Variants in SPATA13 observed in about 807,000 individuals in gnomAD.
SPATA13 encodes spermatogenesis-associated protein 13.
Under a neutral mutation model 104.0 loss-of-function variants are expected in SPATA13, and 50 were observed. That is an observed-to-expected ratio of 0.48 (90% CI 0.38 to 0.61). The LOEUF is 0.61. SPATA13 is among the 20% of genes least tolerant of loss of function. The pLI is 0.00. For synonymous variants in SPATA13, 606 were observed against 667.5 expected, an observed-to-expected ratio of 0.91 and a Z score of 1.42; for missense variants, 1,524 against 1,690.6, an observed-to-expected ratio of 0.90 and a Z score of 1.73.
Position 24,251,777 on chromosome 13 carries a change from C to A in SPATA13, c.2079C>A (p.Ala693=), listed in dbSNP as rs760980337. Residue 693 remains alanine (A), a synonymous_variant, in exon 4 of 13, where the codon GCC becomes GCA. Coordinates refer to ENST00000382108, the MANE Select transcript of SPATA13 (RefSeq NM_001166271.3). The stretch of plus-strand genomic sequence containing the variant: ...TGCCACCCTACAAGGCTGTGTCGGC[C>A]CGGTTCCGGCCCTTCACATTCTCCC... ...HQVPPYKAVS[A]RFRPFTFSQS... 47 of 1,614,066 alleles carry A rather than the reference C, an allele frequency of 2.9e-5. No homozygotes were observed. Among genetic ancestry groups the A allele is most frequent in the Non-Finnish European group, 3.9e-5 (46 of 1,180,038 alleles).
chr13:24,270,632 G>T, intron 4 of SPATA13: 3 of 924,074 alleles, frequency 3.2e-6, no homozygotes, highest in South Asian at 1.8e-5. Flanking sequence ...GAAGTCCCCC[G>T]CAATGTCACT....
chr13:24,263,710 G>A (rs1874167843), intron 4 of SPATA13, among the ~76,000 whole-genome samples: 1 of 152,232 alleles, frequency 6.6e-6, no homozygotes, highest in African/African-American at 2.4e-5. Flanking sequence ...TACAGTCACA[G>A]TTTTTTAAAT....
Position 24,300,577 on chromosome 13 carries a change from GAGAACAGT to G in SPATA13, c.3658+107_3658+114del, listed in dbSNP as rs138687419. On this transcript the variant is annotated intron_variant, in intron 12 of 12. Coordinates refer to ENST00000382108, the MANE Select transcript of SPATA13 (RefSeq NM_001166271.3). ...CAGCCTGTGACCAGCTTGGAGCAAG[GAGAACAGT>G]AGAAGTTAGAACTCAAGGGCAGGTC... 1,376 of 1,043,922 alleles carry G rather than the reference GAGAACAGT, an allele frequency of 1.3e-3. 20 individuals carry two copies. In the East Asian group the frequency reaches 0.028, roughly 21 times the overall value. 64.7% of individuals were successfully genotyped at this position (1,043,922 alleles called of 1,614,324 possible).
chr13:24,006,918 T>C (rs772738680), intron 2 of SPATA13, among the ~76,000 whole-genome samples: 3 of 152,224 alleles, frequency 2.0e-5, no homozygotes, highest in Non-Finnish European at 2.9e-5. Context: ...GGAAGGAGGA[T>C]GCTGTGGCAT....
intron 7 of SPATA13, 116 bp from the exon 8 acceptor site, chr13:24,288,881 TAG>T: frequency 2.4e-6 from 2 of 843,372 alleles, no homozygotes; most frequent in South Asian, 2.1e-5. Flanking sequence ...CAGAGACTCA[TAG>T]AGTCTTTTTA....
At position 24,204,178 on chromosome 13, in the gene SPATA13, TA is replaced by T. The variant is rs202018886; in HGVS notation, c.-111-18640del. ...GCCAGAGGCTAACCCGAATGCCTGT[TA>T]TGTGTTAGATACAGTTACAGGAATA... On this transcript the variant is annotated intron_variant, in intron 1 of 12. Transcript: ENST00000382108. 8.3e-3 allele frequency among the ~76,000 whole-genome samples: 1,257 copies of T among 152,312 alleles called. 7 individuals carry two copies. Among genetic ancestry groups the T allele is most frequent in the Middle Eastern group, 0.014 (4 of 294 alleles).
chr13:24,029,660 G>A (rs1877387090), intron 3 of SPATA13, among the ~76,000 whole-genome samples: 2 of 152,112 alleles, frequency 1.3e-5, no homozygotes, highest in South Asian at 2.1e-4. Flanking sequence ...TACAAGTGCA[G>A]CTTTGTTAAA....
chr13:24,153,650 C>T lies in SPATA13; in HGVS notation c.-111-69169C>T, dbSNP rs1283709984. On this transcript the variant is annotated intron_variant, in intron 3 of 14. Transcript: ENST00000424834. ...GTAAAATAATCACAGATCCCCTACCCATGTCAATTGCAATTCCATTTATCT... is the reference window on the plus strand; with the variant it reads ...GTAAAATAATCACAGATCCCCTACCTATGTCAATTGCAATTCCATTTATCT... 3.3e-5 allele frequency among the ~76,000 whole-genome samples: 5 copies of T among 152,156 alleles called. No individual in the cohort carries two copies. The East Asian group carries it at 9.6e-4, about 29-fold the overall frequency.
chr13:24,056,453 G>A (rs1242684034), intron 3 of SPATA13, among the ~76,000 whole-genome samples: 2 of 152,148 alleles, frequency 1.3e-5, no homozygotes, highest in African/African-American at 4.8e-5. Context: ...GACATATGAT[G>A]GATTAGATGC....
chr13:24,108,441 G>A (rs1256837991), intron 3 of SPATA13, among the ~76,000 whole-genome samples: 1 of 152,154 alleles, frequency 6.6e-6, no homozygotes, highest in African/African-American at 2.4e-5. Context: ...GACTCACTGT[G>A]GGTGCGTGGG....
At chr13:24,059,153 A>T (rs11842218) in intron 3 of SPATA13, among the ~76,000 whole-genome samples, 23,339 of 151,236 alleles carry the variant, frequency 0.15, 2,186 homozygotes, top group African/African-American at 0.17. Flanking sequence ...TTGTATTTTT[A>T]GTAGAGACGG....
At chr13:24,023,876 C>T (rs981453610) in intron 3 of SPATA13, among the ~76,000 whole-genome samples, 3 of 152,170 alleles carry the variant, frequency 2.0e-5, no homozygotes, top group Admixed American at 6.5e-5. Flanking sequence ...CAGTGTGAGA[C>T]GGTGATCTGC....
chr13:23,982,860 C>T (rs1013682566), intron 1 of SPATA13, among the ~76,000 whole-genome samples: 23 of 152,274 alleles, frequency 1.5e-4, no homozygotes, highest in Non-Finnish European at 1.8e-4. Context: ...GTGTGAGCTT[C>T]GGGAGGCTGG....
At chr13:24,202,054 C>T (rs1870436251) in intron 1 of SPATA13, among the ~76,000 whole-genome samples, 1 of 150,494 alleles carries the variant, frequency 6.6e-6, no homozygotes, top group Non-Finnish European at 1.5e-5. Flanking sequence ...GCCTGGGGGA[C>T]AGAGCAAGAC....
intron 2 of SPATA13, among the ~76,000 whole-genome samples, chr13:24,228,174 C>T (rs915183208): frequency 9.9e-5 from 13 of 131,570 alleles, no homozygotes; most frequent in Non-Finnish European, 1.1e-4. Context: ...AGTGCAGTGG[C>T]GTAATCTCGG....
intron 4 of SPATA13, among the ~76,000 whole-genome samples, chr13:24,273,673 A>AT (rs1484599322): frequency 6.6e-6 from 1 of 152,232 alleles, no homozygotes; most frequent in East Asian, 1.9e-4. Flanking sequence ...TATAAACTTA[A>AT]TAATAACTAT....
intron 2 of SPATA13, among the ~76,000 whole-genome samples, chr13:24,230,174 C>A (rs1198048038): frequency 6.6e-6 from 1 of 152,194 alleles, no homozygotes; most frequent in Non-Finnish European, 1.5e-5. Context: ...AAGATGGAAT[C>A]ATTAAGCAGA....
chr13:24,161,012 TCCC>T lies in SPATA13; in HGVS notation c.-112+81_-112+83del. ...AGGTAGAATATCGGGAGGATTTGAGTCCCAGTGGACTGCCTCGGGGCTTCGGGA... is the reference window on the plus strand; with the variant it reads ...AGGTAGAATATCGGGAGGATTTGAGTAGTGGACTGCCTCGGGGCTTCGGGA... On this transcript the variant is annotated intron_variant, in intron 1 of 12. Transcript: ENST00000382108. The surrounding 1 kb of genome is among the most constrained non-coding windows in gnomAD (Gnocchi z 4.5). 2 of 859,766 alleles carry T rather than the reference TCCC, an allele frequency of 2.3e-6. No homozygotes were observed. The highest frequency in any genetic ancestry group is 2.8e-6 in the Non-Finnish European group (2 of 714,974). 53.3% of individuals were successfully genotyped at this position (859,766 alleles called of 1,614,324 possible).
At chr13:23,991,650 G>A (rs1267392468) in intron 2 of SPATA13, among the ~76,000 whole-genome samples, 1 of 152,144 alleles carries the variant, frequency 6.6e-6, no homozygotes, top group Non-Finnish European at 1.5e-5. Flanking sequence ...CCAGCACCGT[G>A]CATATTGTGC....
Sources: gnomAD v4.1 joint callset for allele counts (sites outside exome capture counted in the v4.1 genomes callset) on GRCh38, gnomAD v4.1.1 for gene constraint, Gnocchi (gnomAD v3.1) non-coding constraint, MANE v1.5 for transcripts, NCBI Gene and HGNC (gene_info 2026-07-23, HGNC 2026-07-21) for gene names.